SLC12A6: variants seen among roughly 807,000 people sequenced by gnomAD.
The protein encoded by SLC12A6 is solute carrier family 12 member 6, also known as K-Cl cotransporter 3.
SLC12A6 carries 66 observed loss-of-function variants against 135.3 expected under a neutral mutation model. The ratio of observed to expected loss-of-function variants is 0.49; its 90% CI spans 0.40 to 0.60. The LOEUF (loss-of-function observed/expected upper bound fraction) is 0.60, where lower values mean the gene tolerates loss of function less well. Among genes scored for constraint, SLC12A6 ranks in the 20% least tolerant of loss-of-function variants. The pLI is 0.00. For synonymous variants in SLC12A6, 513 were observed against 508.8 expected (o/e 1.01, Z -0.11); for missense variants, 1,058 against 1,452.3 (o/e 0.73, Z 4.41).
chr15:34,336,789 T>C, intron 1 of SLC12A6, 37 bp from the exon 2 acceptor site: 2 of 865,284 alleles, frequency 2.3e-6, no homozygotes, highest in South Asian at 2.8e-5. Flanking sequence ...ATAACACATT[T>C]CAATAACCTT....
chr15:34,239,718 A>T (rs981853340), intron 19 of SLC12A6, among the ~76,000 whole-genome samples: 4 of 150,500 alleles, frequency 2.7e-5, no homozygotes, highest in Admixed American at 6.6e-5. Flanking sequence ...TAGTCAAACC[A>T]ATTTGGAGAT....
chr15:34,234,855 C>CT (rs748934276), intron 25 of SLC12A6, among the ~76,000 whole-genome samples: 11 of 152,162 alleles, frequency 7.2e-5, no homozygotes, highest in Non-Finnish European at 1.5e-4. Context: ...AAAAGAAAGG[C>CT]TTTGCAAAGC....
At chr15:34,325,440 A>G (rs1268200546) in intron 2 of SLC12A6, among the ~76,000 whole-genome samples, 1 of 152,236 alleles carries the variant, frequency 6.6e-6, no homozygotes, top group Non-Finnish European at 1.5e-5. Flanking sequence ...AGTCTTTTAA[A>G]TCTTGACTTG....
chr15:34,311,597 T>G (rs1395579003), intron 2 of SLC12A6, among the ~76,000 whole-genome samples: 1 of 152,204 alleles, frequency 6.6e-6, no homozygotes, highest in Non-Finnish European at 1.5e-5. Context: ...ATTTATAAGT[T>G]GAACATTGGC....
chr15:34,245,877 A>G lies in SLC12A6; in HGVS notation c.1650-10T>C, dbSNP rs755869151. 1 of 1,605,482 alleles carries G rather than the reference A, an allele frequency of 6.2e-7. No individual in the cohort carries two copies. Among genetic ancestry groups the G allele is most frequent in the South Asian group, 1.1e-5 (1 of 90,858 alleles). On this transcript the variant is annotated splice_polypyrimidine_tract_variant and intron_variant, in intron 13 of 25. Coordinates refer to ENST00000354181, the MANE Select transcript of SLC12A6 (RefSeq NM_001365088.1). ...CACAGCATCACCGAACCTGGGAAAG[A>G]AATAGGAGTGGGAAATTTAATCTGG...
chr15:34,250,553 A>G, intron 12 of SLC12A6, 78 bp downstream of exon 12: 1 of 884,692 alleles, frequency 1.1e-6, no homozygotes, highest in African/African-American at 1.6e-5. Flanking sequence ...CTTTGTTACC[A>G]GGATAAAAAT....
chr15:34,336,277 C>A (rs1300445611), intron 2 of SLC12A6, 133 bp downstream of exon 2: 3 of 783,134 alleles, frequency 3.8e-6, no homozygotes, highest in Non-Finnish European at 6.7e-6. Context: ...AAGCATCTCA[C>A]AAAGAGATGC....
intron 20 of SLC12A6, 22 bp from the exon 21 acceptor site, chr15:34,238,423 C>A (rs1595403635): frequency 6.3e-7 from 1 of 1,598,594 alleles, no homozygotes; most frequent in East Asian, 2.2e-5. Context: ...AAAGAATAAG[C>A]AGAGAAGAAT....
intron 13 of SLC12A6, 142 bp from the exon 14 acceptor site, chr15:34,246,009 T>C: frequency 1.4e-6 from 1 of 727,460 alleles, no homozygotes; most frequent in South Asian, 1.5e-5. Context: ...CTTGGCTCAC[T>C]CCAAACTCCG....
chr15:34,258,414 T>C (rs1234271879), intron 5 of SLC12A6, among the ~76,000 whole-genome samples: 1 of 152,176 alleles, frequency 6.6e-6, no homozygotes, highest in Non-Finnish European at 1.5e-5. Flanking sequence ...TTTTCCCACA[T>C]AGCTCACTCC....
chr15:34,254,844 T>C (rs1287780326), intron 8 of SLC12A6, among the ~76,000 whole-genome samples: 1 of 152,074 alleles, frequency 6.6e-6, no homozygotes, highest in African/African-American at 2.4e-5. Context: ...GAACAAATTA[T>C]TAATTTTATT....
At chr15:34,308,772 G>A (rs1032378184) in intron 2 of SLC12A6, among the ~76,000 whole-genome samples, 4 of 152,072 alleles carry the variant, frequency 2.6e-5, no homozygotes, top group African/African-American at 9.7e-5. Context: ...AAACAAAACG[G>A]TAGAAGAAGC....
chr15:34,279,650 A>C (rs1295883936), intron 2 of SLC12A6, among the ~76,000 whole-genome samples: 1 of 152,202 alleles, frequency 6.6e-6, no homozygotes, highest in Non-Finnish European at 1.5e-5. Flanking sequence ...GATTACTCAA[A>C]ATGACATTTA....
intron 2 of SLC12A6, among the ~76,000 whole-genome samples, chr15:34,284,203 T>C (rs1464875228): frequency 1.3e-5 from 2 of 151,798 alleles, no homozygotes; most frequent in Admixed American, 1.3e-4. Flanking sequence ...GGCAGGTTGA[T>C]GATATCTTAC....
intron 2 of SLC12A6, among the ~76,000 whole-genome samples, chr15:34,332,582 G>C (rs934294667): frequency 1.3e-5 from 2 of 152,094 alleles, no homozygotes; most frequent in Non-Finnish European, 2.9e-5. Flanking sequence ...TCAGGAGTTT[G>C]AGACCAGCCT....
At chr15:34,293,443 A>G (rs1895676691) in intron 2 of SLC12A6, among the ~76,000 whole-genome samples, 1 of 152,178 alleles carries the variant, frequency 6.6e-6, no homozygotes, top group African/African-American at 2.4e-5. Flanking sequence ...AGCTGAGATT[A>G]CAGGTGCCCA....
chr15:34,331,855 T>C (rs1202327463), intron 2 of SLC12A6, among the ~76,000 whole-genome samples: 1 of 152,146 alleles, frequency 6.6e-6, no homozygotes, highest in Non-Finnish European at 1.5e-5. Context: ...CTTTTATGTC[T>C]CTAACATCTC....
At chr15:34,307,144 T>C (rs1419470357) in intron 2 of SLC12A6, among the ~76,000 whole-genome samples, 2 of 152,186 alleles carry the variant, frequency 1.3e-5, no homozygotes, top group African/African-American at 4.8e-5. Context: ...ACCTTAAAGA[T>C]GTACAGTTAA....
intron 2 of SLC12A6, among the ~76,000 whole-genome samples, chr15:34,297,387 G>C (rs1165553526): frequency 2.0e-5 from 3 of 152,154 alleles, no homozygotes; most frequent in Non-Finnish European, 4.4e-5. Context: ...AGATTACAAA[G>C]GTAGTCTCTA....
Sources: gnomAD v4.1 joint callset for allele counts (sites outside exome capture counted in the v4.1 genomes callset) on GRCh38, gnomAD v4.1.1 for gene constraint, MANE v1.5 for transcripts, NCBI Gene and HGNC (gene_info 2026-07-23, HGNC 2026-07-21) for gene names.